The following SLC35D1 variants were observed in gnomAD, a reference collection of about 807,000 sequenced individuals.
The protein encoded by SLC35D1 is solute carrier family 35 member D1.
Under a neutral mutation model 46.7 loss-of-function variants are expected in SLC35D1, and 31 were observed. That is an observed-to-expected ratio of 0.66 (90% CI 0.50 to 0.90). The LOEUF (loss-of-function observed/expected upper bound fraction) is 0.90. SLC35D1 is among the 40% of genes least tolerant of loss of function. The probability of loss-of-function intolerance (pLI) is 0.00; values close to 1 mark genes in which losing one functional copy is unlikely to be tolerated. For synonymous variants in SLC35D1, 195 were observed against 164.6 expected (o/e 1.18, Z -1.41); for missense variants, 397 against 426.2 (o/e 0.93, Z 0.60).
downstream of SLC35D1, among the ~76,000 whole-genome samples, chr1:66,998,904 T>G (rs1395821220): frequency 6.6e-6 from 1 of 152,220 alleles, no homozygotes; most frequent in East Asian, 1.9e-4. Flanking sequence ...GTTCTGGAGA[T>G]TGGTTGAACA....
chr1:67,049,660 T>C (rs1220084559), intron 6 of SLC35D1, 122 bp downstream of exon 6: 5 of 901,522 alleles, frequency 5.5e-6, no homozygotes, highest in Non-Finnish European at 5.3e-6. Flanking sequence ...AAGAGTCTTC[T>C]AGATGCTTTT....
At chr1:67,008,354 G>A (rs1667492348) in intron 11 of SLC35D1, 17 of 1,168,842 alleles carry the variant, frequency 1.5e-5, no homozygotes, top group Non-Finnish European at 1.9e-5. Flanking sequence ...GGCCAGGGTG[G>A]TCTTGATCTC....
chr1:66,997,502 T>TAAA (rs767972425), downstream of SLC35D1, among the ~76,000 whole-genome samples: 492 of 80,054 alleles, frequency 6.1e-3, 9 homozygotes, highest in Middle Eastern at 9.3e-3. Flanking sequence ...GACCCTGTGT[T>TAAA]AAAAAAAAAA....
intron 8 of SLC35D1, 51 bp downstream of exon 8, chr1:67,042,185 A>C: frequency 1.4e-6 from 2 of 1,456,614 alleles, no homozygotes. Flanking sequence ...ATCATAAATA[A>C]TAATGCAGTT....
chr1:67,006,395 G>A lies in SLC35D1; in HGVS notation c.960-1947C>T, dbSNP rs757493243. ...CACATGTACGTCCACCCACATGACAGTCAATTTCCCTTTGCCTCCAAACCC... is the reference window on the plus strand; with the variant it reads ...CACATGTACGTCCACCCACATGACAATCAATTTCCCTTTGCCTCCAAACCC... On this transcript the variant is annotated intron_variant, in intron 11 of 11. Transcript: ENST00000235345. Among the ~76,000 whole-genome samples, 5 of 152,306 alleles carry A rather than the reference G, an allele frequency of 3.3e-5. No individual in the cohort carries two copies. The Middle Eastern group carries it at 0.014, about 414-fold the overall frequency.
the SLC35D1 span, among the ~76,000 whole-genome samples, chr1:66,982,437 AAG>A: frequency 1.3e-5 from 2 of 152,226 alleles, no homozygotes; most frequent in South Asian, 2.1e-4. Flanking sequence ...CTCCAAGAAA[AAG>A]AGAAGAAAAA....
intron 7 of SLC35D1, among the ~76,000 whole-genome samples, chr1:67,044,908 G>A (rs537944176): frequency 6.6e-6 from 1 of 152,104 alleles, no homozygotes; most frequent in Non-Finnish European, 1.5e-5. Context: ...GAAAACTCCG[G>A]ATGTATTAAA....
chr1:67,049,874 T>G, intron 5 of SLC35D1, 24 bp from the exon 6 acceptor site: 1 of 1,536,562 alleles, frequency 6.5e-7, no homozygotes, highest in African/African-American at 1.4e-5. Flanking sequence ...AATTTTAAAA[T>G]ACACACATGA....
chr1:66,979,469 C>T, the SLC35D1 span, among the ~76,000 whole-genome samples: 1 of 152,196 alleles, frequency 6.6e-6, no homozygotes. Flanking sequence ...ACACATTGTC[C>T]CTATTTACTA....
At chr1:67,015,291 TGTG>T (rs1373877351) in intron 10 of SLC35D1, among the ~76,000 whole-genome samples, 1 of 151,814 alleles carries the variant, frequency 6.6e-6, no homozygotes, top group African/African-American at 2.4e-5. Flanking sequence ...ATAAAAATCT[TGTG>T]GTCAAACTAA....
chr1:67,004,312 C>G lies in SLC35D1; in HGVS notation c.*28G>C. ...TTCTGAGTTGATTAAAAACTTAGGC[C>G]TACGTATCAGATGAAGCAATCCTCT... On this transcript the variant is annotated 3_prime_UTR_variant, in exon 12 of 12. Coordinates refer to ENST00000235345, the MANE Select transcript of SLC35D1 (RefSeq NM_015139.3). The G allele has an allele frequency of 6.3e-7, 1 of 1,596,352 alleles. No homozygotes were observed. Among genetic ancestry groups the G allele is most frequent in the Non-Finnish European group, 8.6e-7 (1 of 1,164,104 alleles).
chr1:67,018,774 T>C (rs781521072), intron 10 of SLC35D1, among the ~76,000 whole-genome samples: 10 of 152,194 alleles, frequency 6.6e-5, no homozygotes, highest in Non-Finnish European at 1.2e-4. Flanking sequence ...GTAGGAGGAA[T>C]GGCTGAGCTA....
the SLC35D1 span, among the ~76,000 whole-genome samples, chr1:66,992,567 G>A: frequency 6.8e-4 from 103 of 152,348 alleles, no homozygotes; most frequent in African/African-American, 2.5e-3. Flanking sequence ...AGACTGAGCT[G>A]CTTTGACAAT....
chr1:66,986,480 T>C, the SLC35D1 span: 1 of 1,591,946 alleles, frequency 6.3e-7, no homozygotes. Context: ...ATAAAGCTTC[T>C]GTGGTCTTGT....
chr1:66,975,475 G>A, the SLC35D1 span, among the ~76,000 whole-genome samples: 10 of 151,898 alleles, frequency 6.6e-5, no homozygotes, highest in Non-Finnish European at 8.8e-5. Context: ...TGCAGTTAGC[G>A]GTTTGGTGCC....
rs1298295115 is a variant in SLC35D1, at chr1:67,047,361, G to A, written c.540C>T (p.Asp180=). 1 of 1,612,520 alleles carries A rather than the reference G, an allele frequency of 6.2e-7. No homozygotes were observed. The highest frequency in any genetic ancestry group is 2.2e-5 in the East Asian group (1 of 44,836). ...IIGAFVAASS[D]LAFDLEGYAF... ...CATATCCTTCCAGATCAAATGCCAA[G>A]TCAGAGCTGCAAAACATAAGCAACA... The change falls in exon 7 of 12, where the codon GAC becomes GAT. Residue 180 remains aspartate (D), a synonymous_variant. Transcript: ENST00000235345.
chr1:66,984,090 G>C, the SLC35D1 span, among the ~76,000 whole-genome samples: 1 of 152,192 alleles, frequency 6.6e-6, no homozygotes, highest in African/African-American at 2.4e-5. Context: ...ATGACATCTT[G>C]CTTTTATATG....
At chr1:67,033,971 A>G (rs139520852) in intron 8 of SLC35D1, among the ~76,000 whole-genome samples, 2 of 152,254 alleles carry the variant, frequency 1.3e-5, no homozygotes, top group African/African-American at 4.8e-5. Context: ...TCTTGGCACC[A>G]TTGTCAAAAA....
downstream of SLC35D1, among the ~76,000 whole-genome samples, chr1:66,996,436 T>A (rs991915771): frequency 2.0e-5 from 3 of 152,226 alleles, no homozygotes; most frequent in Non-Finnish European, 2.9e-5. Context: ...AACGAGAACC[T>A]AGCATGGTGG....
Sources: allele counts gnomAD v4.1 joint callset (sites outside exome capture counted in the v4.1 genomes callset), GRCh38; gene constraint gnomAD v4.1.1; transcripts MANE v1.5; gene names NCBI Gene and HGNC (gene_info 2026-07-23, HGNC 2026-07-21).